Variants in NRXN1 observed in about 807,000 individuals in gnomAD.
The protein encoded by NRXN1 is neurexin-1.
NRXN1 carries 39 observed loss-of-function variants against 150.9 expected under a neutral mutation model. The observed-to-expected ratio is 0.26, with a 90% CI of 0.20 to 0.34. NRXN1 has a LOEUF of 0.34. Among genes scored for constraint, NRXN1 ranks in the 10% least tolerant of loss-of-function variants. The probability of loss-of-function intolerance (pLI) is 1.00; values close to 1 mark genes in which losing one functional copy is unlikely to be tolerated. For synonymous variants in NRXN1, 924 were observed against 757.0 expected (o/e 1.22, Z -3.62); for missense variants, 1,815 against 1,949.9 (o/e 0.93, Z 1.30).
chr2:50,905,525 G>A (rs1479434380), intron 5 of NRXN1, among the ~76,000 whole-genome samples: 3 of 152,136 alleles, frequency 2.0e-5, no homozygotes, highest in Admixed American at 2.0e-4. Flanking sequence ...AACCTCCCTT[G>A]CAGCCACATT....
chr2:50,278,734 A>G (rs2071005037), intron 17 of NRXN1, among the ~76,000 whole-genome samples: 1 of 152,244 alleles, frequency 6.6e-6, no homozygotes, highest in East Asian at 1.9e-4. Context: ...ACGGTCCAGG[A>G]TAGGCTGGAA....
chr2:50,874,991 A>G (rs1055355437), intron 5 of NRXN1, among the ~76,000 whole-genome samples: 1 of 151,836 alleles, frequency 6.6e-6, no homozygotes, highest in Non-Finnish European at 1.5e-5. Flanking sequence ...AGTTGTCCAT[A>G]CACAAAAGTG....
Position 50,494,851 on chromosome 2 carries a change from G to A in NRXN1, c.3070+1054C>T, listed in dbSNP as rs1403343199. Among the ~76,000 whole-genome samples the A allele has an allele frequency of 5.3e-5, 8 of 151,842 alleles. No individual in the cohort carries two copies. In the East Asian group the frequency reaches 5.8e-4, roughly 11 times the overall value. ...AGTTCAAGAGCAGCCTGACCAACAC[G>A]GCAAAAACCTGTCTCTACTAAAACA... On this transcript the variant is annotated intron_variant, in intron 15 of 22. Coordinates refer to ENST00000401669, the MANE Select transcript of NRXN1 (RefSeq NM_001330078.2).
intron 18 of NRXN1, among the ~76,000 whole-genome samples, chr2:50,191,933 C>G (rs2061468907): frequency 1.3e-5 from 2 of 152,156 alleles, no homozygotes; most frequent in African/African-American, 4.8e-5. Flanking sequence ...AAAATATTGG[C>G]TAGGAAGACA....
chr2:50,091,518 GA>G, intron 18 of NRXN1, 24 bp from the exon 19 acceptor site: 1 of 1,612,558 alleles, frequency 6.2e-7, no homozygotes. Context: ...GGGGAAAAAA[GA>G]GTTGAATTAA....
chr2:50,587,562 T>C (rs1011721205), intron 8 of NRXN1, among the ~76,000 whole-genome samples: 1 of 152,210 alleles, frequency 6.6e-6, no homozygotes, highest in African/African-American at 2.4e-5. Flanking sequence ...ATCGGTGATA[T>C]GCTAGGTGAA....
At chr2:50,913,759 C>T (rs905660283) in intron 5 of NRXN1, among the ~76,000 whole-genome samples, 15 of 151,678 alleles carry the variant, frequency 9.9e-5, no homozygotes, top group African/African-American at 3.4e-4. Flanking sequence ...GCAAACAAGC[C>T]AAACAGAAAG....
chr2:50,439,816 C>CAAA (rs57765606), intron 17 of NRXN1, among the ~76,000 whole-genome samples: 5 of 126,182 alleles, frequency 4.0e-5, no homozygotes, highest in African/African-American at 1.1e-4. Flanking sequence ...GACTCTGTCT[C>CAAA]AAAAAAAAAA....
At chr2:50,760,962 C>T (rs1701735579) in intron 5 of NRXN1, among the ~76,000 whole-genome samples, 1 of 151,948 alleles carries the variant, frequency 6.6e-6, no homozygotes, top group Non-Finnish European at 1.5e-5. Flanking sequence ...CACCTACAGT[C>T]TTGTTCTCTT....
intron 18 of NRXN1, among the ~76,000 whole-genome samples, chr2:50,134,808 C>CATTGATGAA (rs1252710539): frequency 6.6e-6 from 1 of 152,202 alleles, no homozygotes; most frequent in African/African-American, 2.4e-5. Context: ...GTGATACCAT[C>CATTGATGAA]ATTGATGAAA....
intron 17 of NRXN1, among the ~76,000 whole-genome samples, chr2:50,420,545 G>C (rs1367222162): frequency 2.0e-5 from 3 of 152,002 alleles, no homozygotes; most frequent in African/African-American, 7.2e-5. Flanking sequence ...CTGGCCAATG[G>C]AGAAACAAAT....
chr2:50,369,067 C>A (rs1386648624), intron 17 of NRXN1, among the ~76,000 whole-genome samples: 1 of 151,878 alleles, frequency 6.6e-6, no homozygotes, highest in African/African-American at 2.4e-5. Flanking sequence ...TGTACCCTGA[C>A]TAGGCAAATA....
intron 17 of NRXN1, among the ~76,000 whole-genome samples, chr2:50,366,054 T>C (rs1286359011): frequency 6.6e-6 from 1 of 151,834 alleles, no homozygotes; most frequent in Non-Finnish European, 1.5e-5. Context: ...TGAATGTTAC[T>C]TTCACCCAAC....
chr2:50,801,613 T>C (rs1707606300), intron 5 of NRXN1, among the ~76,000 whole-genome samples: 1 of 152,246 alleles, frequency 6.6e-6, no homozygotes, highest in African/African-American at 2.4e-5. Flanking sequence ...TCCCAAAATA[T>C]GCACAAAAAA....
chr2:50,560,508 A>G (rs7424552), intron 8 of NRXN1, among the ~76,000 whole-genome samples: 64,133 of 151,552 alleles, frequency 0.42, 15,772 homozygotes, highest in African/African-American at 0.68. Flanking sequence ...TAATGCAACT[A>G]TGCAACCTCT....
rs939883145 is a variant in NRXN1 at position 50,693,726 on chromosome 2, T to G, written c.833-70111A>C. Among the ~76,000 whole-genome samples the G allele has an allele frequency of 3.9e-5, 6 of 152,232 alleles. No homozygotes were observed. The South Asian group carries it at 6.2e-4, about 16-fold the overall frequency. On this transcript the variant is annotated intron_variant, in intron 5 of 22. Coordinates refer to ENST00000401669, the MANE Select transcript of NRXN1 (RefSeq NM_001330078.2). ...CTAACTCAACTTCAGAAAGTTGGTA[T>G]ATTTTCAAAATTGCAGATATGTCTG... is the stretch of plus-strand genomic sequence containing the variant.
chr2:50,384,569 A>C (rs1451553775), intron 17 of NRXN1, among the ~76,000 whole-genome samples: 1 of 149,618 alleles, frequency 6.7e-6, no homozygotes, highest in African/African-American at 2.5e-5. Context: ...TTTAGGGCCC[A>C]GTTTCAGTTG....
At chr2:50,707,964 A>G (rs1694668283) in intron 5 of NRXN1, among the ~76,000 whole-genome samples, 1 of 152,176 alleles carries the variant, frequency 6.6e-6, no homozygotes, top group Admixed American at 6.5e-5. Context: ...TACATTTCCT[A>G]TTTGTAAAAA....
intron 2 of NRXN1, among the ~76,000 whole-genome samples, chr2:51,027,033 G>A (rs1670603344): frequency 6.6e-6 from 1 of 152,132 alleles, no homozygotes; most frequent in Non-Finnish European, 1.5e-5. Context: ...AACCACGGCC[G>A]TGGTATACCT....
Sources: allele counts gnomAD v4.1 joint callset (sites outside exome capture counted in the v4.1 genomes callset), GRCh38; gene constraint gnomAD v4.1.1; transcripts MANE v1.5; gene names NCBI Gene and HGNC (gene_info 2026-07-23, HGNC 2026-07-21).